IL32: variants seen among roughly 807,000 people sequenced by gnomAD.
IL32 encodes the protein interleukin 32.
Under a neutral mutation model 16.6 loss-of-function variants are expected in IL32, and 30 were observed. That is an observed-to-expected ratio of 1.81 (90% CI 1.35 to 2.45). The LOEUF (loss-of-function observed/expected upper bound fraction) is 2.45, where lower values mean the gene tolerates loss of function less well. Ranked by LOEUF, IL32 falls within the 30% of genes most tolerant of loss-of-function variation. The probability of loss-of-function intolerance (pLI) is 0.00; values close to 1 mark genes in which losing one functional copy is unlikely to be tolerated. For synonymous variants in IL32, 70 were observed against 86.1 expected (o/e 0.81, Z 1.03); for missense variants, 234 against 229.8 (o/e 1.02, Z -0.12).
upstream of IL32, chr16:3,065,458 A>T: frequency 2.6e-6 from 1 of 378,466 alleles, no homozygotes. Context: ...ACGGACCCTC[A>T]TTCCTCCCAG....
intron 6 of IL32, chr16:3,068,739 C>T (rs918516158): frequency 3.5e-6 from 2 of 564,934 alleles, no homozygotes; most frequent in African/African-American, 1.9e-5. Context: ...TGGCACAGCC[C>T]TCAAGGCACG....
chr16:3,069,075 C>G lies in IL32; in HGVS notation c.287C>G (p.Ala96Gly). The G allele has an allele frequency of 6.2e-7, 1 of 1,607,780 alleles. No individual in the cohort carries two copies. Among genetic ancestry groups the G allele is most frequent in the Non-Finnish European group, 8.5e-7 (1 of 1,176,188 alleles). Residue 96 changes from alanine (A) to glycine (G), a missense_variant, in exon 7 of 7, where the codon GCA (alanine) becomes GGA (glycine). Physicochemically the swap from Ala to Gly is moderately conservative, Grantham distance 60. Around this residue, in one of 3 missense-constraint regions of IL32, gnomAD observed 44 missense variants for 103.1 expected, o/e 0.43. Transcript: ENST00000525643. ...CCTGTCCCGGATGTTGAGGATCCCGCAACCGAGGAGCCTGGGGAGAGCTTT... is the reference window on the plus strand; with the variant it reads ...CCTGTCCCGGATGTTGAGGATCCCGGAACCGAGGAGCCTGGGGAGAGCTTT... ...RSPVPDVEDP[A>G]TEEPGESFCD...
intron 5 of IL32, 49 bp downstream of exon 5, chr16:3,068,059 C>A (rs751261405): frequency 2.8e-5 from 45 of 1,610,502 alleles, no homozygotes; most frequent in African/African-American, 4.0e-5. Flanking sequence ...GGGTCTTAGG[C>A]TCCACAGGAC....
intron 2 of IL32, 106 bp from the exon 3 acceptor site, chr16:3,067,271 C>CTGTGTTTGTGTG: frequency 1.7e-6 from 1 of 602,166 alleles, no homozygotes; most frequent in Non-Finnish European, 2.9e-6. Flanking sequence ...CCATGTGTCT[C>CTGTGTTTGTGTG]TGTGTGTGTG....
In IL32 at chr16:3,067,983, G is replaced by A. The variant is rs779516846; in HGVS notation, c.115-1G>A. On this transcript the variant is annotated splice_acceptor_variant, in intron 4 of 6. Coordinates refer to ENST00000525643, the MANE Select transcript of IL32 (RefSeq NM_001376923.1). LOFTEE classifies it high-confidence loss of function. ...GGAACCGAGTGCTTTGTTCCTAACA[G>A]GTGATGTCGAGCCTGGCAGAGCTGG... The A allele has an allele frequency of 1.4e-5, 23 of 1,614,020 alleles. No homozygotes were observed. The East Asian group carries it at 5.1e-4, about 36-fold the overall frequency.
At chr16:3,067,799 CTG>C (rs1390125403) in intron 4 of IL32, 183 bp from the exon 5 acceptor site, 1 of 815,724 alleles carries the variant, frequency 1.2e-6, no homozygotes, top group Non-Finnish European at 2.0e-6. Context: ...CCCGGGGAGA[CTG>C]AGGGAGGCAT....
chr16:3,067,179 C>T (rs1168715033), intron 2 of IL32, among the ~76,000 whole-genome samples, 198 bp from the exon 3 acceptor site: 6 of 152,014 alleles, frequency 3.9e-5, no homozygotes, highest in East Asian at 1.9e-4. Context: ...CTTTCTGAGT[C>T]GTTTCGAGGA....
intron 3 of IL32, 26 bp downstream of exon 3, chr16:3,067,441 A>C (rs913522456): frequency 6.2e-7 from 1 of 1,608,430 alleles, no homozygotes; most frequent in Middle Eastern, 1.7e-4. Flanking sequence ...ACTTCTGCTC[A>C]GGGGTTGGGG....
At chr16:3,067,273 G>GTGTGTGTGTGTGTGTGTGTGTGTCTC in intron 2 of IL32, 104 bp from the exon 3 acceptor site, 2 of 134,894 alleles carry the variant, frequency 1.5e-5, no homozygotes, top group Non-Finnish European at 2.9e-5. Flanking sequence ...ATGTGTCTCT[G>GTGTGTGTGTGTGTGTGTGTGTGTCTC]TGTGTGTGTG....
chr16:3,068,651 C>T (rs551296213), intron 6 of IL32: 1 of 427,842 alleles, frequency 2.3e-6, no homozygotes, highest in Admixed American at 3.6e-5. Flanking sequence ...CAGGGTGTGC[C>T]CAGCCCCTGA....
rs763334955 is a variant in IL32, at chr16:3,067,570, G to C, written c.71G>C (p.Arg24Thr). 3 of 1,614,000 alleles carry C rather than the reference G, an allele frequency of 1.9e-6. No homozygotes were observed. The highest frequency in any genetic ancestry group is 2.5e-6 in the Non-Finnish European group (3 of 1,179,980). The change falls in exon 4 of 7, where the codon AGA becomes ACA. Residue 24 changes from arginine (R) to threonine (T), a missense_variant. This residue lies in a region of IL32 where 137 missense variants were observed against 80.7 expected (regional missense o/e 1.70). Coordinates refer to ENST00000525643, the MANE Select transcript of IL32 (RefSeq NM_001376923.1). ...LKARMHQAIE[R>T]FYDKMQNAES... ...TCTTCACAGCACCAGGCCATAGAAA[G>C]ATTTTATGATAAAATGCAAAATGCA...
At chr16:3,067,496 G>A in intron 3 of IL32, 58 bp from the exon 4 acceptor site, 1 of 1,613,998 alleles carries the variant, frequency 6.2e-7, no homozygotes, top group Middle Eastern at 1.7e-4. Flanking sequence ...TGGGACACCT[G>A]GGACCCTGGA....
chr16:3,068,235 A>G lies in IL32; in HGVS notation c.197A>G (p.His66Arg). Reference sequence around the variant, plus strand: ...GTGGCGGCTTATTATGAGGAGCAGCACCCAGTGAGTATGACACACCCATCT... The same window carrying G: ...GTGGCGGCTTATTATGAGGAGCAGCGCCCAGTGAGTATGACACACCCATCT... Reference protein sequence around the residue: ...ETVAAYYEEQHPELTPLLEKE... With the variant: ...ETVAAYYEEQRPELTPLLEKE... Residue 66 changes from histidine (H) to arginine (R), a missense_variant, in exon 6 of 7, where the codon CAC becomes CGC. His to Arg is a conservative substitution (Grantham distance 29). Around this residue, in one of 3 missense-constraint regions of IL32, gnomAD observed 137 missense variants for 80.7 expected, o/e 1.70. Transcript: ENST00000525643. The G allele has an allele frequency of 6.3e-7, 1 of 1,594,074 alleles. No homozygotes were observed. The highest frequency in any genetic ancestry group is 8.5e-7 in the Non-Finnish European group (1 of 1,169,946).
intron 4 of IL32, 141 bp from the exon 5 acceptor site, chr16:3,067,843 G>A (rs929466917): frequency 5.9e-6 from 6 of 1,019,296 alleles, no homozygotes; most frequent in Non-Finnish European, 7.6e-6. Flanking sequence ...GGAAACAACA[G>A]GGGTGCCAGA....
rs1247123625 is a variant in IL32, at chr16:3,067,553, G to C, written c.55-1G>C. On this transcript the variant is annotated splice_acceptor_variant, in intron 3 of 6. Coordinates refer to ENST00000525643, the MANE Select transcript of IL32 (RefSeq NM_001376923.1). LOFTEE classifies it high-confidence loss of function. ...GGTGCCAACTCTGCCTCTCTTCACAGCACCAGGCCATAGAAAGATTTTATG... is the reference window on the plus strand; with the variant it reads ...GGTGCCAACTCTGCCTCTCTTCACACCACCAGGCCATAGAAAGATTTTATG... 1.2e-6 allele frequency: 2 copies of C among 1,613,970 alleles called. No homozygotes were observed. The highest frequency in any genetic ancestry group is 1.3e-5 in the African/African-American group (1 of 74,878).
In IL32 at chr16:3,067,572, T is replaced by C. The variant is rs1205686463; in HGVS notation, c.73T>C (p.Phe25Leu). ...TTCACAGCACCAGGCCATAGAAAGATTTTATGATAAAATGCAAAATGCAGA... is the reference window on the plus strand; with the variant it reads ...TTCACAGCACCAGGCCATAGAAAGACTTTATGATAAAATGCAAAATGCAGA... The part of the protein sequence containing the change: ...KARMHQAIER[F>L]YDKMQNAESG... Residue 25 changes from phenylalanine (F) to leucine (L), a missense_variant, in exon 4 of 7, where the codon TTT (phenylalanine) becomes CTT (leucine). Physicochemically the swap from Phe to Leu is conservative, Grantham distance 22. Around this residue, in one of 3 missense-constraint regions of IL32, gnomAD observed 137 missense variants for 80.7 expected, o/e 1.70. Coordinates refer to ENST00000525643, the MANE Select transcript of IL32 (RefSeq NM_001376923.1). The C allele has an allele frequency of 6.2e-6, 10 of 1,613,830 alleles. No homozygotes were observed. The highest frequency in any genetic ancestry group is 5.0e-5 in the Admixed American group (3 of 59,996).
In IL32 at chr16:3,069,429, C is replaced by A. The variant is rs1261708646; in HGVS notation, c.*74C>A. 3.4e-6 allele frequency: 5 copies of A among 1,481,214 alleles called. No homozygotes were observed. Among genetic ancestry groups the A allele is most frequent in the South Asian group, 1.3e-5 (1 of 75,170 alleles). The allele number at this position is 1,481,214 out of a possible 1,614,324, so 91.8% of individuals were successfully genotyped here. On this transcript the variant is annotated 3_prime_UTR_variant, in exon 7 of 7. Transcript: ENST00000525643. ...ACCCCTCCCTCAGCTGTCCTGTGCC[C>A]CGCCCTCTCCCGCACACTCAGTCCC...
rs746631818 is a variant in IL32 at position 3,068,021 on chromosome 16, G to A, written c.141+11G>A. 7.4e-6 allele frequency: 12 copies of A among 1,613,830 alleles called. No individual in the cohort carries two copies. The highest frequency in any genetic ancestry group is 1.0e-5 in the Non-Finnish European group (12 of 1,179,762). ...CTGGCAGAGCTGGAGGTGAGCCGTG[G>A]CCTCCCCCTCCACCAAGCTTAGTCC... On this transcript the variant is annotated intron_variant, in intron 5 of 6. Coordinates refer to ENST00000525643, the MANE Select transcript of IL32 (RefSeq NM_001376923.1).
At chr16:3,068,468 G>C (rs1956685959) in intron 6 of IL32, 2 of 547,638 alleles carry the variant, frequency 3.7e-6, no homozygotes, top group East Asian at 6.4e-5. Flanking sequence ...ACCACTCCAG[G>C]CTGATTTTTT....
Sources: allele counts gnomAD v4.1 joint callset (sites outside exome capture counted in the v4.1 genomes callset), GRCh38; gene constraint gnomAD v4.1.1; regional missense constraint gnomAD v4.1.1; transcripts MANE v1.5; gene names NCBI Gene and HGNC (gene_info 2026-07-23, HGNC 2026-07-21).